GULP1: variants seen among roughly 807,000 people sequenced by gnomAD.
GULP1 encodes the protein GULP PTB domain containing engulfment adaptor 1.
A neutral mutation model predicts 40.9 loss-of-function variants in GULP1; 19 were observed. The ratio of observed to expected loss-of-function variants is 0.46; its 90% CI spans 0.32 to 0.68. The LOEUF (loss-of-function observed/expected upper bound fraction) is 0.68. Among genes scored for constraint, GULP1 ranks in the 30% least tolerant of loss-of-function variants. The pLI, the probability that GULP1 is intolerant of heterozygous loss-of-function variation, is 0.03. For synonymous variants in GULP1, 119 were observed against 117.6 expected, an observed-to-expected ratio of 1.01 and a Z score of -0.08; for missense variants, 312 against 362.2, an observed-to-expected ratio of 0.86 and a Z score of 1.12.
At chr2:188,319,546 T>C (rs1276914606) in intron 1 of GULP1, among the ~76,000 whole-genome samples, 1 of 152,176 alleles carries the variant, frequency 6.6e-6, no homozygotes, top group Non-Finnish European at 1.5e-5. Context: ...TCTACCCAAC[T>C]AGCTACCACT....
At chr2:188,310,233 A>G (rs1366878048) in intron 1 of GULP1, among the ~76,000 whole-genome samples, 10 of 152,230 alleles carry the variant, frequency 6.6e-5, no homozygotes, top group Admixed American at 3.9e-4. Flanking sequence ...AACATGATAC[A>G]CTTTGCACTT....
At chr2:188,567,512 A>G (rs1378826047) in intron 7 of GULP1, among the ~76,000 whole-genome samples, 1 of 152,204 alleles carries the variant, frequency 6.6e-6, no homozygotes, top group East Asian at 1.9e-4. Context: ...GCTGGAAGCT[A>G]TCATCCTTAG....
At chr2:188,405,382 A>G (rs541785691) in intron 2 of GULP1, among the ~76,000 whole-genome samples, 1 of 152,164 alleles carries the variant, frequency 6.6e-6, no homozygotes, top group East Asian at 1.9e-4. Flanking sequence ...AGGCTTTAAT[A>G]GATTCAGGGT....
intron 1 of GULP1, among the ~76,000 whole-genome samples, chr2:188,296,225 A>T (rs1480564941): frequency 1.3e-5 from 2 of 152,120 alleles, no homozygotes; most frequent in African/African-American, 4.8e-5. Context: ...AAAAAATGGT[A>T]TAACTTTGAA....
At chr2:188,491,339 C>CACTAAAATCAGCATATAAGTG (rs1210736637) in intron 4 of GULP1, 1 of 151,864 alleles carries the variant, frequency 6.6e-6, no homozygotes, top group South Asian at 2.1e-4. Context: ...TTTGATGAGC[C>CACTAAAATCAGCATATAAGTG]ACTAAAATCA....
intron 6 of GULP1, among the ~76,000 whole-genome samples, chr2:188,535,832 T>C (rs1225967231): frequency 2.0e-5 from 3 of 152,156 alleles, no homozygotes; most frequent in Non-Finnish European, 4.4e-5. Context: ...AAGCATTCCC[T>C]TTTTTTCATA....
intron 2 of GULP1, among the ~76,000 whole-genome samples, chr2:188,455,101 C>A (rs1033091745): frequency 6.6e-6 from 1 of 151,988 alleles, no homozygotes; most frequent in African/African-American, 2.4e-5. Flanking sequence ...CACTGTACTC[C>A]AGCCTTGGAG....
intron 4 of GULP1, among the ~76,000 whole-genome samples, chr2:188,495,472 A>G (rs2062811689): frequency 6.6e-6 from 1 of 152,068 alleles, no homozygotes; most frequent in Admixed American, 6.6e-5. Flanking sequence ...ATGTTCTTCA[A>G]AATATAACAA....
At chr2:188,502,120 C>T (rs2063489823) in intron 4 of GULP1, among the ~76,000 whole-genome samples, 3 of 151,616 alleles carry the variant, frequency 2.0e-5, no homozygotes, top group African/African-American at 7.3e-5. Context: ...TAGGTATATC[C>T]CTAGCGGTGT....
At chr2:188,321,927 A>G (rs2040042536) in intron 1 of GULP1, among the ~76,000 whole-genome samples, 1 of 152,128 alleles carries the variant, frequency 6.6e-6, no homozygotes, top group Non-Finnish European at 1.5e-5. Flanking sequence ...AGGCATGAGA[A>G]TCTCTTGAAC....
chr2:188,519,231 G>A (rs755717046), intron 4 of GULP1, among the ~76,000 whole-genome samples: 8 of 152,124 alleles, frequency 5.3e-5, no homozygotes, highest in Non-Finnish European at 1.2e-4. Flanking sequence ...TTACACAAAG[G>A]ATTTAATTAA....
chr2:188,406,952 T>C (rs1166715978), intron 2 of GULP1, among the ~76,000 whole-genome samples: 2 of 151,968 alleles, frequency 1.3e-5, no homozygotes, highest in African/African-American at 4.8e-5. Context: ...TATACCAATA[T>C]ATATTATAAT....
chr2:188,520,522 C>A (rs1456950722), intron 4 of GULP1, among the ~76,000 whole-genome samples: 1 of 146,238 alleles, frequency 6.8e-6, no homozygotes, highest in Non-Finnish European at 1.5e-5. Flanking sequence ...CAGCGAGACT[C>A]CATCTAAAAA....
At chr2:188,434,032 C>T (rs1204666673) in intron 2 of GULP1, among the ~76,000 whole-genome samples, 1 of 151,578 alleles carries the variant, frequency 6.6e-6, no homozygotes, top group African/African-American at 2.4e-5. Flanking sequence ...AAGATACTAG[C>T]CTTATGTCAT....
At chr2:188,420,287 T>G (rs187827849) in intron 2 of GULP1, among the ~76,000 whole-genome samples, 1 of 152,186 alleles carries the variant, frequency 6.6e-6, no homozygotes, top group Admixed American at 6.5e-5. Context: ...ATGAATATTT[T>G]AACAATATTG....
chr2:188,528,575 GTCTT>G (rs1357336246), intron 5 of GULP1, among the ~76,000 whole-genome samples: 5 of 151,854 alleles, frequency 3.3e-5, no homozygotes, highest in African/African-American at 1.2e-4. Flanking sequence ...CTATACCTGA[GTCTT>G]TCAGCTGGGA....
chr2:188,344,909 T>G (rs560027020), intron 1 of GULP1, among the ~76,000 whole-genome samples: 151 of 152,342 alleles, frequency 9.9e-4, no homozygotes, highest in Non-Finnish European at 1.6e-3. Flanking sequence ...CAGTTATATC[T>G]TTCAAAATAA....
At chr2:188,301,839 G>A (rs1264258454) in intron 1 of GULP1, among the ~76,000 whole-genome samples, 6 of 152,148 alleles carry the variant, frequency 3.9e-5, no homozygotes, top group Admixed American at 2.6e-4. Context: ...CTTTTGTCAC[G>A]AGGAGATTCA....
At chr2:188,463,890 A>G (rs1371448186) in intron 2 of GULP1, among the ~76,000 whole-genome samples, 1 of 151,876 alleles carries the variant, frequency 6.6e-6, no homozygotes, top group South Asian at 2.1e-4. Flanking sequence ...AATTTATCTG[A>G]TAGAATTTTG....
Sources: gnomAD v4.1 joint callset for allele counts (sites outside exome capture counted in the v4.1 genomes callset) on GRCh38, gnomAD v4.1.1 for gene constraint, MANE v1.5 for transcripts, NCBI Gene and HGNC (gene_info 2026-07-23, HGNC 2026-07-21) for gene names.